PRKD1: variants seen among roughly 807,000 people sequenced by gnomAD.
PRKD1 encodes the protein protein kinase D1.
In PRKD1, 63 loss-of-function variants were observed where a neutral mutation model predicts 95.9. That is an observed-to-expected ratio of 0.66 (90% CI 0.54 to 0.81). The LOEUF is 0.81. PRKD1 is among the 30% of genes least tolerant of loss of function. The pLI, the probability that PRKD1 is intolerant of heterozygous loss-of-function variation, is 0.00. For missense variants in PRKD1, 1,048 were observed against 1,165.3 expected (o/e 0.90, Z 1.47); for synonymous variants, 425 against 423.1 (o/e 1.00, Z -0.05).
At chr14:29,705,874 T>C (rs1178837182) in intron 2 of PRKD1, among the ~76,000 whole-genome samples, 1 of 152,102 alleles carries the variant, frequency 6.6e-6, no homozygotes, top group Non-Finnish European at 1.5e-5. Flanking sequence ...CCTTAGTTGA[T>C]GAACATCTGT....
chr14:29,608,138 T>G (rs1251560037), intron 13 of PRKD1, among the ~76,000 whole-genome samples: 1 of 152,200 alleles, frequency 6.6e-6, no homozygotes, highest in Admixed American at 6.5e-5. Context: ...TTTGCCAATC[T>G]GGATGCATCT....
At chr14:29,708,650 C>T (rs1885197506) in intron 2 of PRKD1, among the ~76,000 whole-genome samples, 1 of 152,082 alleles carries the variant, frequency 6.6e-6, no homozygotes, top group Non-Finnish European at 1.5e-5. Context: ...CTCAGGAGTT[C>T]GAGACCAGTC....
chr14:29,776,673 G>T (rs1361053170), intron 1 of PRKD1, among the ~76,000 whole-genome samples: 2 of 152,172 alleles, frequency 1.3e-5, no homozygotes, highest in Non-Finnish European at 2.9e-5. Context: ...TCTGATTGCT[G>T]TACCTGAAAG....
At chr14:29,674,961 A>C (rs1475313440) in intron 2 of PRKD1, among the ~76,000 whole-genome samples, 1 of 152,200 alleles carries the variant, frequency 6.6e-6, no homozygotes, top group Non-Finnish European at 1.5e-5. Context: ...TCGATTCATG[A>C]ACAACAAAAC....
intron 2 of PRKD1, among the ~76,000 whole-genome samples, chr14:29,692,903 G>A (rs772223422): frequency 5.3e-5 from 8 of 152,076 alleles, no homozygotes; most frequent in Non-Finnish European, 7.4e-5. Context: ...TCATTTCATC[G>A]TAACTAAACT....
At position 29,838,743 on chromosome 14, in the gene PRKD1, A is replaced by G. The variant is rs534328426; in HGVS notation, c.264+88506T>C. On this transcript the variant is annotated intron_variant, in intron 1 of 17. Transcript: ENST00000331968. ...AATTCATGGAAAATGCATATTATTAAGAAACTATGCATAAATTTCAAAATT... is the reference window on the plus strand; with the variant it reads ...AATTCATGGAAAATGCATATTATTAGGAAACTATGCATAAATTTCAAAATT... Among the ~76,000 whole-genome samples, 8 of 152,212 alleles carry G rather than the reference A, an allele frequency of 5.3e-5. No individual in the cohort carries two copies. The South Asian group carries it at 1.7e-3, about 32-fold the overall frequency.
intron 1 of PRKD1, among the ~76,000 whole-genome samples, chr14:29,781,060 G>A (rs1889021056): frequency 6.8e-6 from 1 of 146,392 alleles, no homozygotes; most frequent in Admixed American, 7.0e-5. Context: ...AACACCTCAT[G>A]TTCTCACTCA....
chr14:29,643,380 CA>C (rs1450989810), intron 4 of PRKD1, among the ~76,000 whole-genome samples: 3 of 152,048 alleles, frequency 2.0e-5, no homozygotes, highest in Non-Finnish European at 2.9e-5. Context: ...TTATGAAGAT[CA>C]ATTTTTTTAA....
chr14:29,918,277 T>A (rs930722424), intron 1 of PRKD1, among the ~76,000 whole-genome samples: 3 of 152,114 alleles, frequency 2.0e-5, no homozygotes, highest in African/African-American at 7.2e-5. Flanking sequence ...AGAAAGAATC[T>A]TGTAGGATCA....
chr14:29,691,650 T>C (rs1450433777), intron 2 of PRKD1, among the ~76,000 whole-genome samples: 1 of 152,128 alleles, frequency 6.6e-6, no homozygotes, highest in Non-Finnish European at 1.5e-5. Flanking sequence ...AGTAATCAGG[T>C]TGGTGCAAAA....
intron 1 of PRKD1, among the ~76,000 whole-genome samples, chr14:29,907,546 T>G (rs1894536364): frequency 6.6e-6 from 1 of 152,200 alleles, no homozygotes; most frequent in Non-Finnish European, 1.5e-5. Flanking sequence ...TCTCGTGTGA[T>G]TGACCCAATC....
intron 16 of PRKD1, among the ~76,000 whole-genome samples, chr14:29,581,018 T>G (rs74750525): frequency 2.3e-4 from 35 of 152,194 alleles, no homozygotes; most frequent in African/African-American, 7.9e-4. Context: ...ATCTTTGACC[T>G]TTAATTCATA....
chr14:29,682,162 T>G (rs1209438406), intron 2 of PRKD1, among the ~76,000 whole-genome samples: 1 of 152,220 alleles, frequency 6.6e-6, no homozygotes, highest in East Asian at 1.9e-4. Context: ...AATTTAGGTA[T>G]GCAGTTTGTT....
At chr14:29,695,772 A>C (rs1478102245) in intron 2 of PRKD1, among the ~76,000 whole-genome samples, 1 of 152,228 alleles carries the variant, frequency 6.6e-6, no homozygotes, top group East Asian at 1.9e-4. Context: ...TCTCTAGGGA[A>C]ATATCAGAAA....
intron 1 of PRKD1, among the ~76,000 whole-genome samples, chr14:29,905,997 A>G (rs958507066): frequency 6.6e-6 from 1 of 152,176 alleles, no homozygotes; most frequent in Non-Finnish European, 1.5e-5. Flanking sequence ...AAAGATAAAA[A>G]CAGTAAGGCA....
intron 1 of PRKD1, among the ~76,000 whole-genome samples, chr14:29,841,894 A>G (rs973793880): frequency 1.3e-5 from 2 of 151,870 alleles, no homozygotes; most frequent in African/African-American, 4.8e-5. Context: ...CCCCAAAAAA[A>G]ATTTTCTTTT....
At chr14:29,895,321 A>G (rs1894085321) in intron 1 of PRKD1, among the ~76,000 whole-genome samples, 1 of 151,890 alleles carries the variant, frequency 6.6e-6, no homozygotes, top group Non-Finnish European at 1.5e-5. Context: ...CATCTCAAAA[A>G]CAAACAAACA....
intron 1 of PRKD1, among the ~76,000 whole-genome samples, chr14:29,825,789 A>G (rs1891085264): frequency 6.6e-6 from 1 of 152,102 alleles, no homozygotes; most frequent in Non-Finnish European, 1.5e-5. Context: ...CTAAATTATG[A>G]GAACAAATTA....
rs1893411732 is a variant in PRKD1 at position 29,598,956 on chromosome 14, T to C, written c.2166+71A>G. ...AAGGTTTTAAGGGAAAAATGGAAGG[T>C]GACAAGATGCTACATGGAAGCTAGC... On this transcript the variant is annotated intron_variant, in intron 15 of 17. Coordinates refer to ENST00000331968, the MANE Select transcript of PRKD1 (RefSeq NM_002742.3). The C allele has an allele frequency of 3.2e-6, 4 of 1,245,456 alleles. No homozygotes were observed. The Admixed American group carries it at 7.7e-5, about 24-fold the overall frequency. 77.2% of individuals were successfully genotyped at this position (1,245,456 alleles called of 1,614,324 possible). A position where few individuals can be genotyped will look rare whatever the true frequency, so the allele number is the denominator to read the frequency against.
Sources: allele counts gnomAD v4.1 joint callset (sites outside exome capture counted in the v4.1 genomes callset), GRCh38; gene constraint gnomAD v4.1.1; transcripts MANE v1.5; gene names NCBI Gene and HGNC (gene_info 2026-07-23, HGNC 2026-07-21).